The following TMEM244 variants were observed in gnomAD, a reference collection of about 807,000 sequenced individuals.
The protein encoded by TMEM244 is transmembrane protein 244.
In TMEM244, 13 loss-of-function variants were observed where a neutral mutation model predicts 15.8. The observed-to-expected ratio is 0.82, with a 90% CI of 0.53 to 1.30. The LOEUF is 1.30. TMEM244 is among the 50% of genes most tolerant of loss of function. The probability of loss-of-function intolerance (pLI) is 0.00; values close to 1 mark genes in which losing one functional copy is unlikely to be tolerated. For synonymous variants in TMEM244, 45 were observed against 48.7 expected (o/e 0.92, Z 0.32); for missense variants, 161 against 144.9 (o/e 1.11, Z -0.57).
chr6:129,833,591 A>T lies in TMEM244; in HGVS notation c.194-6T>A, dbSNP rs781559779. 1.4e-5 allele frequency: 22 copies of T among 1,610,184 alleles called. No homozygotes were observed. The highest frequency in any genetic ancestry group is 1.7e-5 in the Non-Finnish European group (20 of 1,178,570). ...CTCTGTTGAAACTAAAAGAACTGCA[A>T]ATACAAGGAAGAATATAATTATTGA... On this transcript the variant is annotated splice_polypyrimidine_tract_variant and splice_region_variant and intron_variant, in intron 3 of 4. Coordinates refer to ENST00000368143, the MANE Select transcript of TMEM244 (RefSeq NM_001010876.2).
At chr6:129,832,795 T>C (rs1374727271) in intron 4 of TMEM244, among the ~76,000 whole-genome samples, 1 of 152,214 alleles carries the variant, frequency 6.6e-6, no homozygotes, top group Admixed American at 6.5e-5. Flanking sequence ...TGTTTTCTTC[T>C]GGCTCCAAAA....
chr6:129,857,945 G>A (rs1776740978), intron 1 of TMEM244, among the ~76,000 whole-genome samples: 1 of 151,688 alleles, frequency 6.6e-6, no homozygotes, highest in African/African-American at 2.4e-5. Flanking sequence ...GCCAATTTTT[G>A]TCAAAGGCAG....
chr6:129,843,612 G>T lies in TMEM244; in HGVS notation c.120-9C>A, dbSNP rs563814814. 2.7e-5 allele frequency: 43 copies of T among 1,605,786 alleles called. No individual in the cohort carries two copies. The East Asian group carries it at 8.9e-4, about 33-fold the overall frequency. On this transcript the variant is annotated splice_polypyrimidine_tract_variant and intron_variant, in intron 2 of 4. Coordinates refer to ENST00000368143, the MANE Select transcript of TMEM244 (RefSeq NM_001010876.2). ...CATTCAACTCATGCACCCTAAAGAT[G>T]TTATAAGTGAAAACAGTTTACTCTG... is the stretch of plus-strand genomic sequence containing the variant.
intron 3 of TMEM244, among the ~76,000 whole-genome samples, chr6:129,836,697 C>T (rs1051498583): frequency 2.6e-5 from 4 of 152,156 alleles, no homozygotes. Flanking sequence ...AGATGAATGG[C>T]TAACTAGAAT....
intron 1 of TMEM244, among the ~76,000 whole-genome samples, chr6:129,857,722 G>T (rs1480311485): frequency 6.6e-6 from 1 of 151,834 alleles, no homozygotes; most frequent in South Asian, 2.1e-4. Context: ...TGGCCTTTCT[G>T]TAAATGCCTC....
intron 1 of TMEM244, among the ~76,000 whole-genome samples, chr6:129,860,143 G>GTC (rs1776781394): frequency 5.2e-5 from 7 of 135,358 alleles, no homozygotes; most frequent in South Asian, 4.6e-4. Flanking sequence ...GTGTGTGTGT[G>GTC]TGTGTCTGTC....
intron 2 of TMEM244, 38 bp downstream of exon 2, chr6:129,845,729 A>G: frequency 7.0e-7 from 1 of 1,421,746 alleles, no homozygotes; most frequent in Non-Finnish European, 9.9e-7. Context: ...ATTCAATGTT[A>G]GCTTTTTAAT....
chr6:129,841,454 A>C (rs1776490220), intron 3 of TMEM244, among the ~76,000 whole-genome samples: 1 of 152,082 alleles, frequency 6.6e-6, no homozygotes, highest in Non-Finnish European at 1.5e-5. Context: ...TAGCATTAGG[A>C]GAAATATCTA....
In TMEM244 at chr6:129,843,902, A is replaced by G. The variant is rs58008685; in HGVS notation, c.120-299T>C. On this transcript the variant is annotated intron_variant, in intron 2 of 4. Transcript: ENST00000368143. ...AGACGGTATAAAGGTAACAAGGGACAAGGCAACGTCTAGTTACGAAATGTA... is the reference window on the plus strand; with the variant it reads ...AGACGGTATAAAGGTAACAAGGGACGAGGCAACGTCTAGTTACGAAATGTA... Among the ~76,000 whole-genome samples, 391 of 152,328 alleles carry G rather than the reference A, an allele frequency of 2.6e-3. 1 individual carries two copies. Among genetic ancestry groups the G allele is most frequent in the African/African-American group, 9.0e-3 (376 of 41,580 alleles).
At chr6:129,860,658 A>T (rs1776795352) in intron 1 of TMEM244, among the ~76,000 whole-genome samples, 1 of 151,390 alleles carries the variant, frequency 6.6e-6, no homozygotes, top group South Asian at 2.1e-4. Flanking sequence ...ATTTTTTTTT[A>T]AAGGGGTATT....
chr6:129,858,620 T>C (rs1776752645), intron 1 of TMEM244, among the ~76,000 whole-genome samples: 1 of 152,214 alleles, frequency 6.6e-6, no homozygotes, highest in Admixed American at 6.6e-5. Context: ...CTTTTGGAGG[T>C]ATACATTTCT....
intron 4 of TMEM244, among the ~76,000 whole-genome samples, chr6:129,831,737 A>G (rs1328216323): frequency 6.6e-6 from 1 of 152,184 alleles, no homozygotes; most frequent in South Asian, 2.1e-4. Context: ...TCCAGTAGTC[A>G]TTTGTTAACA....
intron 1 of TMEM244, among the ~76,000 whole-genome samples, chr6:129,856,676 C>A (rs1219291180): frequency 6.6e-6 from 1 of 151,968 alleles, no homozygotes; most frequent in African/African-American, 2.4e-5. Flanking sequence ...TTAAAAATAT[C>A]TAGTAAGGCT....
rs143949103 is a variant in TMEM244, at chr6:129,845,777, C to T, written c.109G>A (p.Val37Met). 1.2e-4 allele frequency: 198 copies of T among 1,611,256 alleles called. No homozygotes were observed. In the East Asian group the frequency reaches 2.8e-3, roughly 23 times the overall value. Residue 37 changes from valine (V) to methionine (M), a missense_variant, in exon 2 of 5, where the codon GTG becomes ATG. Coordinates refer to ENST00000368143, the MANE Select transcript of TMEM244 (RefSeq NM_001010876.2). ...CAATGTGCTACTTACTCAAACATCA[C>T]GCAGCCCATGCTCAGGGACACATAG... ...VYYVSLSMGC[V>M]MFEVHELNVL...
At chr6:129,833,348 T>C in intron 4 of TMEM244, 112 bp downstream of exon 4, 1 of 1,199,064 alleles carries the variant, frequency 8.3e-7, no homozygotes, top group Non-Finnish European at 1.1e-6. Context: ...GTTTTTATCA[T>C]CTAGCTATCA....
chr6:129,840,577 A>G (rs1387868992), intron 3 of TMEM244, among the ~76,000 whole-genome samples: 3 of 152,200 alleles, frequency 2.0e-5, no homozygotes, highest in Non-Finnish European at 4.4e-5. Flanking sequence ...AAATAGACAA[A>G]TGGGATCTAA....
chr6:129,839,930 G>A (rs1427823740), intron 3 of TMEM244, among the ~76,000 whole-genome samples: 4 of 152,062 alleles, frequency 2.6e-5, no homozygotes, highest in African/African-American at 2.4e-5. Context: ...AAATAAAAGA[G>A]GACACAAACA....
At chr6:129,856,654 A>G (rs1378926999) in intron 1 of TMEM244, among the ~76,000 whole-genome samples, 1 of 152,072 alleles carries the variant, frequency 6.6e-6, no homozygotes, top group Non-Finnish European at 1.5e-5. Flanking sequence ...TTTATTCCTC[A>G]ATAAAGCTGC....
intron 1 of TMEM244, among the ~76,000 whole-genome samples, chr6:129,850,095 T>G (rs1396952327): frequency 6.6e-6 from 1 of 152,138 alleles, no homozygotes; most frequent in Non-Finnish European, 1.5e-5. Context: ...AACAATAAAT[T>G]GTGGAGCTGA....
Sources: gnomAD v4.1 joint callset for allele counts (sites outside exome capture counted in the v4.1 genomes callset) on GRCh38, gnomAD v4.1.1 for gene constraint, MANE v1.5 for transcripts, NCBI Gene and HGNC (gene_info 2026-07-23, HGNC 2026-07-21) for gene names.